The following PSMD6 variants were observed in gnomAD, a reference collection of about 807,000 sequenced individuals.
PSMD6 encodes the protein proteasome 26S subunit, non-ATPase 6.
A neutral mutation model predicts 44.9 loss-of-function variants in PSMD6; 7 were observed. The ratio of observed to expected loss-of-function variants is 0.16; its 90% CI spans 0.09 to 0.29. The LOEUF (loss-of-function observed/expected upper bound fraction) is 0.29, where lower values mean the gene tolerates loss of function less well. PSMD6 is among the 10% of genes least tolerant of loss of function. The pLI, the probability that PSMD6 is intolerant of heterozygous loss-of-function variation, is 1.00. For missense variants in PSMD6, 420 were observed against 482.6 expected (o/e 0.87, Z 1.21); for synonymous variants, 184 against 172.7 (o/e 1.07, Z -0.51).
Position 64,022,456 on chromosome 3 carries a change from A to T in PSMD6, c.213T>A (p.Asn71Lys). 1 of 1,614,096 alleles carries T rather than the reference A, an allele frequency of 6.2e-7. No homozygotes were observed. The highest frequency in any genetic ancestry group is 8.5e-7 in the Non-Finnish European group (1 of 1,179,968). Reference protein sequence around the residue: ...LDWQIDVDLLNKMKKANEDEL... With the variant: ...LDWQIDVDLLKKMKKANEDEL... ...CATCTTCATTTGCCTTCTTCATTTT[A>T]TTGAGTAGGTCCACGTCTATCTGCC... is the stretch of plus-strand genomic sequence containing the variant. The change falls in exon 2 of 8, where the codon AAT (asparagine) becomes AAA (lysine). Residue 71 changes from asparagine to lysine, a missense_variant. Coordinates refer to ENST00000295901, the MANE Select transcript of PSMD6 (RefSeq NM_014814.3).
At chr3:64,021,813 A>G (rs78023871) in intron 2 of PSMD6, among the ~76,000 whole-genome samples, 1 of 102,882 alleles carries the variant, frequency 9.7e-6, no homozygotes, top group African/African-American at 3.9e-5. Context: ...CTCCGTCTCA[A>G]AAAAAAAAAA....
At chr3:64,012,620 TATC>T (rs1482822352) in intron 6 of PSMD6, 3 of 152,174 alleles carry the variant, frequency 2.0e-5, no homozygotes, top group African/African-American at 7.2e-5. Context: ...CTCCATATAT[TATC>T]CTCAAAATCT....
chr3:64,020,166 G>T (rs2076107519), intron 2 of PSMD6, among the ~76,000 whole-genome samples: 1 of 152,168 alleles, frequency 6.6e-6, no homozygotes. Context: ...TAAGACTAAT[G>T]AGATATGTCA....
intron 5 of PSMD6, chr3:64,014,641 T>G (rs186902902): frequency 1.3e-5 from 2 of 152,150 alleles, no homozygotes; most frequent in South Asian, 2.1e-4. Context: ...AGTATACTTA[T>G]GTTTGTGGTT....
intron 6 of PSMD6, chr3:64,012,360 T>C (rs1576024042): frequency 6.6e-6 from 1 of 152,336 alleles, no homozygotes; most frequent in East Asian, 1.9e-4. Flanking sequence ...CATCCCATAT[T>C]GAGTATGTCT....
intron 1 of PSMD6, 196 bp from the exon 2 acceptor site, chr3:64,022,719 C>A: frequency 6.5e-7 from 1 of 1,536,628 alleles, no homozygotes; most frequent in Non-Finnish European, 8.7e-7. Flanking sequence ...TGCGTGACGG[C>A]CAATCCTGGC....
intron 5 of PSMD6, chr3:64,014,156 A>G (rs2076007886): frequency 6.6e-6 from 1 of 152,288 alleles, no homozygotes. Context: ...GATAAACTAG[A>G]AAATTTATAA....
At chr3:64,023,107 G>A in intron 1 of PSMD6, 168 bp downstream of exon 1, 1 of 1,427,200 alleles carries the variant, frequency 7.0e-7, no homozygotes, top group Non-Finnish European at 9.1e-7. Flanking sequence ...AGGTCCCCCA[G>A]GGTATCCCCA....
At chr3:64,019,491 A>G in intron 2 of PSMD6, 50 bp from the exon 3 acceptor site, 1 of 1,565,040 alleles carries the variant, frequency 6.4e-7, no homozygotes, top group Non-Finnish European at 8.7e-7. Context: ...AAGTTTCCAA[A>G]AAAAGCTATC....
chr3:64,019,281 A>T lies in PSMD6; in HGVS notation c.497+15T>A. 1 of 1,558,022 alleles carries T rather than the reference A, an allele frequency of 6.4e-7. No individual in the cohort carries two copies. Among genetic ancestry groups the T allele is most frequent in the Non-Finnish European group, 8.8e-7 (1 of 1,130,742 alleles). On this transcript the variant is annotated intron_variant, in intron 3 of 7. Coordinates refer to ENST00000295901, the MANE Select transcript of PSMD6 (RefSeq NM_014814.3). ...CATAATTTAGAGAAAATATAATCCC[A>T]CCCTTAGAAAGTACCTTTTGGCCTT... is the stretch of plus-strand genomic sequence containing the variant.
At chr3:64,018,162 T>A (rs901008612) in intron 5 of PSMD6, among the ~76,000 whole-genome samples, 3 of 152,188 alleles carry the variant, frequency 2.0e-5, no homozygotes, top group Admixed American at 1.3e-4. Context: ...GTTCAATTAA[T>A]CTCCACCCCA....
At position 64,010,911 on chromosome 3, in the gene PSMD6, A is replaced by G; in HGVS notation, c.1040T>C (p.Ile347Thr). Reference protein sequence around the residue: ...FIAAGRLHCKIDKVNEIVETN... With the variant: ...FIAAGRLHCKTDKVNEIVETN... ...TTCTACTATTTCATTCACTTTATCT[A>G]TTTTGCAGTGTAGTCTCCCGGCAGC... The change falls in exon 7 of 8, where the codon ATA becomes ACA. Residue 347 changes from isoleucine to threonine, a missense_variant. Coordinates refer to ENST00000295901, the MANE Select transcript of PSMD6 (RefSeq NM_014814.3). The G allele has an allele frequency of 6.2e-7, 1 of 1,611,156 alleles. No homozygotes were observed. The highest frequency in any genetic ancestry group is 8.5e-7 in the Non-Finnish European group (1 of 1,178,226).
chr3:64,023,104 C>T lies in PSMD6; in HGVS notation c.145+171G>A, dbSNP rs1014978370. 5 of 1,426,962 alleles carry T rather than the reference C, an allele frequency of 3.5e-6. No homozygotes were observed. In the African/African-American group the frequency reaches 5.8e-5, roughly 17 times the overall value. The allele number at this position is 1,426,962 out of a possible 1,614,324, so 88.4% of individuals were successfully genotyped here. On this transcript the variant is annotated intron_variant, in intron 1 of 7. Transcript: ENST00000295901. ...CCCCGCTGAGGCAAGTCGAGGTCCC[C>T]CAGGGTATCCCCAAACCAAAGCAAA... is the stretch of plus-strand genomic sequence containing the variant.
chr3:64,017,634 C>T (rs761529025), intron 5 of PSMD6: 2 of 152,158 alleles, frequency 1.3e-5, no homozygotes, highest in East Asian at 1.9e-4. Flanking sequence ...TCATCATGCT[C>T]GGGAAACCTG....
Position 64,018,646 on chromosome 3 carries a change from A to G in PSMD6, c.779T>C (p.Leu260Pro). Residue 260 changes from leucine (L) to proline (P), a missense_variant, in exon 5 of 8, where the codon CTG becomes CCG. Transcript: ENST00000295901. ...LHSLPAVRQY[L>P]FSLYECRYSV... ...GTAACGGCATTCATAGAGTGAAAAC[A>G]GATACTGCCGAACTGCTGGAAGACT... The G allele has an allele frequency of 6.2e-7, 1 of 1,603,844 alleles. No homozygotes were observed. Among genetic ancestry groups the G allele is most frequent in the Non-Finnish European group, 8.5e-7 (1 of 1,170,640 alleles).
chr3:64,017,661 G>C (rs2076068699), intron 5 of PSMD6: 1 of 152,194 alleles, frequency 6.6e-6, no homozygotes, highest in Non-Finnish European at 1.5e-5. Context: ...CATTACCTGA[G>C]GTAAATACTA....
Position 64,023,085 on chromosome 3 carries a change from T to G in PSMD6, c.145+190A>C. On this transcript the variant is annotated intron_variant, in intron 1 of 7. Coordinates refer to ENST00000295901, the MANE Select transcript of PSMD6 (RefSeq NM_014814.3). ...CGGCACAGAGAGATGCAGACCCCGC[T>G]GAGGCAAGTCGAGGTCCCCCAGGGT... is the stretch of plus-strand genomic sequence containing the variant. 3 of 1,426,760 alleles carry G rather than the reference T, an allele frequency of 2.1e-6. No homozygotes were observed. In the South Asian group the frequency reaches 4.6e-5, roughly 22 times the overall value. 88.4% of individuals were successfully genotyped at this position (1,426,760 alleles called of 1,614,324 possible).
At chr3:64,023,900 G>A (rs188504923), upstream of PSMD6, 286 of 1,350,854 alleles carry the variant, frequency 2.1e-4, no homozygotes, top group African/African-American at 3.5e-3. Flanking sequence ...TAAGACAAAT[G>A]AGGCACAAAG....
At chr3:64,011,685 A>T (rs2075956462) in intron 6 of PSMD6, 1 of 152,068 alleles carries the variant, frequency 6.6e-6, no homozygotes, top group South Asian at 2.1e-4. Context: ...ACCTGAATTC[A>T]ACTACTACCT....
Sources: allele counts gnomAD v4.1 joint callset (sites outside exome capture counted in the v4.1 genomes callset), GRCh38; gene constraint gnomAD v4.1.1; transcripts MANE v1.5; gene names NCBI Gene and HGNC (gene_info 2026-07-23, HGNC 2026-07-21).